PTPRS: variants seen among roughly 807,000 people sequenced by gnomAD.
The protein encoded by PTPRS is receptor-type tyrosine-protein phosphatase S.
PTPRS carries 63 observed loss-of-function variants against 215.3 expected under a neutral mutation model. That is an observed-to-expected ratio of 0.29 (90% CI 0.24 to 0.36). The LOEUF (loss-of-function observed/expected upper bound fraction) is 0.36, where lower values mean the gene tolerates loss of function less well. Ranked by LOEUF, PTPRS falls within the 10% of genes least tolerant of loss-of-function variation. PTPRS has a pLI of 1.00. For missense variants in PTPRS, 2,258 were observed against 2,825.8 expected (o/e 0.80, Z 4.56); for synonymous variants, 1,404 against 1,191.4 (o/e 1.18, Z -3.68).
At chr19:5,249,125 A>G (rs959621459) in intron 9 of PTPRS, among the ~76,000 whole-genome samples, 3 of 152,198 alleles carry the variant, frequency 2.0e-5, no homozygotes, top group Non-Finnish European at 2.9e-5. Flanking sequence ...AGCCTGGCCA[A>G]CATGGCAAAA....
At chr19:5,276,989 C>G (rs1262051874) in intron 2 of PTPRS, among the ~76,000 whole-genome samples, 1 of 151,870 alleles carries the variant, frequency 6.6e-6, no homozygotes, top group Admixed American at 6.6e-5. Flanking sequence ...CACTAGATTT[C>G]CGGTCACAGT....
intron 1 of PTPRS, among the ~76,000 whole-genome samples, chr19:5,316,480 C>A (rs959776801): frequency 9.2e-5 from 14 of 152,268 alleles, no homozygotes; most frequent in Non-Finnish European, 5.9e-5. Context: ...GCAACCTCGG[C>A]CTCCCGGGTT....
chr19:5,286,594 A>T (rs1481074019), intron 1 of PTPRS, among the ~76,000 whole-genome samples: 1 of 152,186 alleles, frequency 6.6e-6, no homozygotes, highest in East Asian at 1.9e-4. Context: ...GTGAGGACAC[A>T]GGGAGAAGAT....
intron 7 of PTPRS, 89 bp downstream of exon 7, chr19:5,260,716 G>T: frequency 6.6e-7 from 1 of 1,525,322 alleles, no homozygotes; most frequent in African/African-American, 1.4e-5. Flanking sequence ...GCATGGAAGG[G>T]GGCCTGGGGG....
intron 1 of PTPRS, among the ~76,000 whole-genome samples, chr19:5,327,799 C>A (rs564341230): frequency 6.6e-6 from 1 of 151,952 alleles, no homozygotes; most frequent in South Asian, 2.1e-4. Context: ...TGGGGTCTTC[C>A]TATGTTGCCC....
chr19:5,218,367 C>T, intron 25 of PTPRS, 53 bp downstream of exon 25: 2 of 1,536,782 alleles, frequency 1.3e-6, no homozygotes, highest in Non-Finnish European at 1.8e-6. Flanking sequence ...ACTGCTTCTC[C>T]CCAGCTATCT....
rs768825355 is a variant in PTPRS at position 5,215,600 on chromosome 19, A to G, written c.4097-5T>C. 260 of 1,460,612 alleles carry G rather than the reference A, an allele frequency of 1.8e-4. 2 individuals carry two copies. In the Admixed American group the frequency reaches 4.8e-3, roughly 27 times the overall value. The allele number at this position is 1,460,612 out of a possible 1,614,324, so 90.5% of individuals were successfully genotyped here. ...TTGGCGGGTGGCTAAGCATGCCTAC[A>G]GGGTGGAGCAGACCCCGCCGGGGTT... On this transcript the variant is annotated splice_region_variant and splice_polypyrimidine_tract_variant and intron_variant, in intron 26 of 37. Transcript: ENST00000262963.
intron 4 of PTPRS, among the ~76,000 whole-genome samples, chr19:5,265,682 G>A (rs1190737119): frequency 2.0e-5 from 3 of 151,918 alleles, no homozygotes; most frequent in African/African-American, 7.3e-5. Context: ...GTGTCAGGGA[G>A]CTGAGCCAGG....
rs2044481095 is a variant in PTPRS at position 5,246,327 on chromosome 19, G to T, written c.719-282C>A. On this transcript the variant is annotated intron_variant, in intron 9 of 37. Transcript: ENST00000262963. ...AAAGAAACCAAAACTTCAAAGGAAGGTACTTCACAAACAATATATAGAGAG... is the reference window on the plus strand; with the variant it reads ...AAAGAAACCAAAACTTCAAAGGAAGTTACTTCACAAACAATATATAGAGAG... Among the ~76,000 whole-genome samples, 4 of 152,012 alleles carry T rather than the reference G, an allele frequency of 2.6e-5. No individual in the cohort carries two copies. In the South Asian group the frequency reaches 6.2e-4, roughly 24 times the overall value.
chr19:5,250,791 A>T (rs1568481205), intron 9 of PTPRS, among the ~76,000 whole-genome samples: 1 of 133,558 alleles, frequency 7.5e-6, no homozygotes, highest in Non-Finnish European at 1.8e-5. Flanking sequence ...GAAACACAAA[A>T]ACCAAAAAAG....
intron 1 of PTPRS, among the ~76,000 whole-genome samples, chr19:5,328,765 A>G (rs914590722): frequency 6.6e-6 from 1 of 152,002 alleles, no homozygotes; most frequent in African/African-American, 2.4e-5. Context: ...CCCAGTCTCT[A>G]CTAAAAATAC....
At chr19:5,227,415 T>A (rs1165468842) in intron 16 of PTPRS, among the ~76,000 whole-genome samples, 1 of 6,802 alleles carries the variant, frequency 1.5e-4, no homozygotes, top group Non-Finnish European at 2.6e-4. Context: ...CTGTAACAAT[T>A]TTTTTTTTTT....
At chr19:5,298,087 C>A (rs2049194013) in intron 1 of PTPRS, among the ~76,000 whole-genome samples, 1 of 152,144 alleles carries the variant, frequency 6.6e-6, no homozygotes, top group African/African-American at 2.4e-5. Context: ...AGCCACAGCG[C>A]CCGGCCTCCT....
intron 25 of PTPRS, among the ~76,000 whole-genome samples, chr19:5,217,887 G>T (rs2041627158): frequency 6.6e-6 from 1 of 152,170 alleles, no homozygotes; most frequent in Non-Finnish European, 1.5e-5. Context: ...AGTTCTCCTG[G>T]ACTGTCAGGT....
chr19:5,208,914 C>T (rs967623359), intron 35 of PTPRS, among the ~76,000 whole-genome samples: 11 of 152,144 alleles, frequency 7.2e-5, no homozygotes, highest in African/African-American at 2.2e-4. Flanking sequence ...TGTGCCATTT[C>T]GGGGCCCTAC....
At chr19:5,290,501 G>A (rs1390142679) in intron 1 of PTPRS, among the ~76,000 whole-genome samples, 1 of 152,138 alleles carries the variant, frequency 6.6e-6, no homozygotes, top group Non-Finnish European at 1.5e-5. Flanking sequence ...CCGGCTTTGT[G>A]TGCCCACGCG....
chr19:5,300,819 T>C (rs1266682939), intron 1 of PTPRS, among the ~76,000 whole-genome samples: 1 of 136,038 alleles, frequency 7.4e-6, no homozygotes, highest in East Asian at 2.1e-4. Flanking sequence ...GTAAAATATA[T>C]ATAACAAAAA....
Position 5,239,054 on chromosome 19 carries a change from T to C in PTPRS, c.1714A>G (p.Thr572Ala), listed in dbSNP as rs769356218. The change falls in exon 13 of 38, where the codon ACC becomes GCC. Residue 572 changes from threonine (T) to alanine (A), a missense_variant. By Grantham distance (58) the Thr-to-Ala change is moderately conservative. Transcript: ENST00000262963. ...EGDHGREVGRTFDPTTSYVVE... is the reference protein window; with the variant it reads ...EGDHGREVGRAFDPTTSYVVE... ...ACGTAGGAAGTCGTCGGGTCGAAGG[T>C]CCTTCCCACCTGGGGGCAGGGCAGA... The C allele has an allele frequency of 3.7e-6, 6 of 1,608,804 alleles. No homozygotes were observed. Among genetic ancestry groups the C allele is most frequent in the South Asian group, 1.1e-5 (1 of 90,786 alleles).
rs367847030 is a variant in PTPRS, at chr19:5,222,750, C to G, written c.3042G>C (p.Thr1014=). 8 of 1,598,346 alleles carry G rather than the reference C, an allele frequency of 5.0e-6. No individual in the cohort carries two copies. Among genetic ancestry groups the G allele is most frequent in the Non-Finnish European group, 6.8e-6 (8 of 1,178,292 alleles). Residue 1014 remains threonine (T), a synonymous_variant, in exon 18 of 38, where the codon ACG becomes ACC. Coordinates refer to ENST00000262963, the MANE Select transcript of PTPRS (RefSeq NM_002850.4). ...GGCTGAAGGGGCCAGGGCCCCGGCGCGTGTGGGCTCGCACTTGGAGGTCAT... is the reference window on the plus strand; with the variant it reads ...GGCTGAAGGGGCCAGGGCCCCGGCGGGTGTGGGCTCGCACTTGGAGGTCAT... ...TAYDLQVRAH[T]RRGPGPFSPP...
Sources: allele counts gnomAD v4.1 joint callset (sites outside exome capture counted in the v4.1 genomes callset), GRCh38; gene constraint gnomAD v4.1.1; transcripts MANE v1.5; gene names NCBI Gene and HGNC (gene_info 2026-07-23, HGNC 2026-07-21).